The following POLN variants were observed in gnomAD, a reference collection of about 807,000 sequenced individuals.
The protein encoded by POLN is DNA polymerase nu.
In POLN, 108 loss-of-function variants were observed where a neutral mutation model predicts 113.5. The observed-to-expected ratio is 0.95, with a 90% confidence interval of 0.81 to 1.12. The LOEUF (loss-of-function observed/expected upper bound fraction) is 1.12, where lower values mean the gene tolerates loss of function less well. POLN is among the 50% of genes most tolerant of loss of function. The pLI is 0.00. For synonymous variants in POLN, 386 were observed against 391.5 expected (o/e 0.99, Z 0.17); for missense variants, 1,097 against 1,077.1 (o/e 1.02, Z -0.26).
chr4:2,080,367 G>C, intron 23 of POLN: 2 of 991,748 alleles, frequency 2.0e-6, no homozygotes, highest in South Asian at 7.9e-5. Flanking sequence ...CCAGGGCGGA[G>C]CCCCCCCCCA....
intron 6 of POLN, among the ~76,000 whole-genome samples, chr4:2,197,261 T>G (rs549813309): frequency 6.6e-6 from 1 of 152,270 alleles, no homozygotes; most frequent in South Asian, 2.1e-4. Context: ...AGGAGTCCAA[T>G]GTGGAAGTTC....
chr4:2,087,795 T>C (rs1227368417), intron 20 of POLN, among the ~76,000 whole-genome samples: 1 of 152,164 alleles, frequency 6.6e-6, no homozygotes, highest in Non-Finnish European at 1.5e-5. Flanking sequence ...ATGATATACG[T>C]AGAGTTTTAG....
intron 4 of POLN, among the ~76,000 whole-genome samples, chr4:2,209,702 C>A (rs1377222083): frequency 5.1e-5 from 6 of 118,144 alleles, no homozygotes; most frequent in African/African-American, 2.2e-4. Flanking sequence ...TGTTCTGTTG[C>A]CCAGGCTGAA....
intron 13 of POLN, among the ~76,000 whole-genome samples, chr4:2,163,470 C>T (rs747109558): frequency 3.9e-5 from 6 of 152,252 alleles, no homozygotes; most frequent in Non-Finnish European, 8.8e-5. Flanking sequence ...AGAGGTGGAG[C>T]GCCATCAGCC....
intron 16 of POLN, chr4:2,156,494 C>A: frequency 1.8e-6 from 1 of 548,560 alleles, no homozygotes; most frequent in Non-Finnish European, 3.5e-6. Flanking sequence ...ACCTGTCTGG[C>A]ACAAATCTGA....
chr4:2,239,079 T>G, intron 2 of POLN: 1 of 1,117,076 alleles, frequency 9.0e-7, no homozygotes. Flanking sequence ...TCAAACTGTA[T>G]GCCTAAATTT....
chr4:2,197,788 A>G (rs1386112589), intron 6 of POLN, among the ~76,000 whole-genome samples: 1 of 152,242 alleles, frequency 6.6e-6, no homozygotes. Context: ...AAGCATGGAC[A>G]GGCTAGTAAC....
chr4:2,211,034 A>C (rs980921270), intron 4 of POLN, among the ~76,000 whole-genome samples: 1 of 150,654 alleles, frequency 6.6e-6, no homozygotes, highest in Non-Finnish European at 1.5e-5. Context: ...GCAGATCACC[A>C]GAGGTCAGGA....
chr4:2,106,080 G>T (rs993339633), intron 19 of POLN, among the ~76,000 whole-genome samples: 3 of 151,730 alleles, frequency 2.0e-5, no homozygotes, highest in Non-Finnish European at 4.4e-5. Context: ...TGATCTCTAT[G>T]GGCCTACTAC....
intron 13 of POLN, among the ~76,000 whole-genome samples, chr4:2,163,026 C>CCA (rs1256484553): frequency 5.2e-5 from 1 of 19,280 alleles, no homozygotes; most frequent in Admixed American, 7.2e-4. Flanking sequence ...TCAGTTCCTA[C>CCA]CAAAAAAAAA....
intron 23 of POLN, among the ~76,000 whole-genome samples, 159 bp from the exon 24 acceptor site, chr4:2,075,678 A>T (rs576877499): frequency 3.9e-5 from 6 of 152,226 alleles, no homozygotes; most frequent in Non-Finnish European, 7.4e-5. Flanking sequence ...AGGTTTCTGA[A>T]AGGTGGTTCT....
intron 7 of POLN, among the ~76,000 whole-genome samples, 169 bp downstream of exon 7, chr4:2,193,035 T>C (rs2108756861): frequency 6.6e-6 from 1 of 152,240 alleles, no homozygotes; most frequent in Non-Finnish European, 1.5e-5. Flanking sequence ...CCTAGAAACA[T>C]GGAGGAAAAC....
At chr4:2,178,181 C>A (rs1439799988) in intron 8 of POLN, among the ~76,000 whole-genome samples, 2 of 152,098 alleles carry the variant, frequency 1.3e-5, no homozygotes, top group Non-Finnish European at 2.9e-5. Flanking sequence ...TCACCTCTTA[C>A]CCCCAGCTCA....
chr4:2,081,171 G>A (rs758912483), intron 22 of POLN, 135 bp from the exon 23 acceptor site: 36 of 1,594,484 alleles, frequency 2.3e-5, no homozygotes, highest in Non-Finnish European at 3.1e-5. Flanking sequence ...GAGTGCCAGG[G>A]CCACAGATGA....
chr4:2,098,898 GT>G (rs1382516185), intron 19 of POLN, among the ~76,000 whole-genome samples: 6 of 142,596 alleles, frequency 4.2e-5, no homozygotes, highest in South Asian at 4.7e-4. Context: ...ATAAATGTGT[GT>G]GCACATGCAC....
At chr4:2,192,726 G>C (rs1733482121) in intron 7 of POLN, among the ~76,000 whole-genome samples, 1 of 151,898 alleles carries the variant, frequency 6.6e-6, no homozygotes, top group Admixed American at 6.6e-5. Flanking sequence ...CCAGCACTTT[G>C]GGAAGCTGAG....
At chr4:2,110,803 T>A (rs1037574941) in intron 19 of POLN, among the ~76,000 whole-genome samples, 3 of 152,222 alleles carry the variant, frequency 2.0e-5, no homozygotes, top group South Asian at 2.1e-4. Context: ...CAGAATTCTA[T>A]CAGAGGTACA....
At chr4:2,205,734 G>T (rs988080846) in intron 5 of POLN, among the ~76,000 whole-genome samples, 1 of 152,042 alleles carries the variant, frequency 6.6e-6, no homozygotes, top group Admixed American at 6.6e-5. Context: ...TTAGCCGGGC[G>T]TGGTGGCACG....
At chr4:2,080,275 A>C in intron 23 of POLN, 1 of 987,718 alleles carries the variant, frequency 1.0e-6, no homozygotes, top group African/African-American at 1.7e-5. Context: ...TCCCCTGGCC[A>C]CCCACACTCT....
Sources: gnomAD v4.1 joint callset for allele counts (sites outside exome capture counted in the v4.1 genomes callset) on GRCh38, gnomAD v4.1.1 for gene constraint, MANE v1.5 for transcripts, NCBI Gene and HGNC (gene_info 2026-07-23, HGNC 2026-07-21) for gene names.